The following GGT7 variants were observed in gnomAD, a reference collection of about 807,000 sequenced individuals.
GGT7 encodes the protein glutathione hydrolase 7.
A neutral mutation model predicts 69.2 loss-of-function variants in GGT7; 30 were observed. That is an observed-to-expected ratio of 0.43 (90% CI 0.32 to 0.59). GGT7 has a LOEUF of 0.59. Ranked by LOEUF, GGT7 falls within the 20% of genes least tolerant of loss-of-function variation. GGT7 has a pLI of 0.05. For missense variants in GGT7, 733 were observed against 901.1 expected (o/e 0.81, Z 2.39); for synonymous variants, 388 against 391.8 (o/e 0.99, Z 0.12).
chr20:34,864,725 GAAA>G (rs368541649), intron 1 of GGT7, among the ~76,000 whole-genome samples: 2 of 119,202 alleles, frequency 1.7e-5, no homozygotes, highest in Non-Finnish European at 3.6e-5. Flanking sequence ...TGTCTCAAAA[GAAA>G]AAAAAAAAAA....
rs1471687090 is a variant in GGT7, at chr20:34,854,524, G to C, written c.1319+7C>G. 6.3e-7 allele frequency: 1 copy of C among 1,587,188 alleles called. No homozygotes were observed. The highest frequency in any genetic ancestry group is 8.7e-7 in the Non-Finnish European group (1 of 1,155,764). ...TCTGTAGCCCCCAGGTCCTGCCCAA[G>C]ACCCACCTGAGCATGTCATCCATGC... On this transcript the variant is annotated splice_region_variant and intron_variant, in intron 10 of 14. Coordinates refer to ENST00000336431, the MANE Select transcript of GGT7 (RefSeq NM_178026.3).
chr20:34,857,037 T>C (rs2146904457), intron 7 of GGT7, 144 bp from the exon 8 acceptor site: 2 of 669,038 alleles, frequency 3.0e-6, no homozygotes, highest in Non-Finnish European at 5.5e-6. Flanking sequence ...AGAGACCCCA[T>C]TATCCCTAGA....
chr20:34,854,942 A>G lies in GGT7; in HGVS notation c.1103-19T>C, dbSNP rs1231648127. 6.2e-7 allele frequency: 1 copy of G among 1,612,184 alleles called. No individual in the cohort carries two copies. Among genetic ancestry groups the G allele is most frequent in the South Asian group, 1.1e-5 (1 of 90,858 alleles). ...AGGTGGCCTGAAAGGACAGGAAGTG[A>G]CTGATGGCAGGGTAGGGGTCAAGGC... On this transcript the variant is annotated intron_variant, in intron 8 of 14. Coordinates refer to ENST00000336431, the MANE Select transcript of GGT7 (RefSeq NM_178026.3).
At chr20:34,850,170 C>A in intron 13 of GGT7, 110 bp from the exon 14 acceptor site, 1 of 819,676 alleles carries the variant, frequency 1.2e-6, no homozygotes, top group Non-Finnish European at 2.2e-6. Flanking sequence ...ATTCTTACAC[C>A]GGGTGTCATC....
At chr20:34,856,110 G>T (rs984499163) in intron 8 of GGT7, among the ~76,000 whole-genome samples, 1 of 152,166 alleles carries the variant, frequency 6.6e-6, no homozygotes, top group Non-Finnish European at 1.5e-5. Context: ...TCTTTCCATT[G>T]CTTCATATTC....
At chr20:34,868,135 G>A (rs748455072) in intron 1 of GGT7, among the ~76,000 whole-genome samples, 3 of 152,120 alleles carry the variant, frequency 2.0e-5, no homozygotes, top group Non-Finnish European at 4.4e-5. Flanking sequence ...CAAAGTGTTG[G>A]CATTACAGGC....
rs931846173 is a variant in GGT7, at chr20:34,845,118, C to T, written c.*210G>A. ...GTACTGTAGATGCTGACACTCACCA[C>T]CACCACCACCACCACCACCACCACC... On this transcript the variant is annotated 3_prime_UTR_variant, in exon 15 of 15. Transcript: ENST00000336431. 2.5e-5 allele frequency: 10 copies of T among 406,650 alleles called. No homozygotes were observed. The African/African-American group carries it at 2.5e-4, about 10-fold the overall frequency. 25.2% of individuals were successfully genotyped at this position (406,650 alleles called of 1,614,324 possible).
intron 1 of GGT7, among the ~76,000 whole-genome samples, chr20:34,864,065 T>C (rs2146924538): frequency 6.6e-6 from 1 of 152,256 alleles, no homozygotes; most frequent in Middle Eastern, 3.4e-3. Context: ...ATGTGGTTCA[T>C]AGAGCCCTGG....
In GGT7 at chr20:34,852,479, G is replaced by T; in HGVS notation, c.1379C>A (p.Pro460Gln). Residue 460 changes from proline (P) to glutamine (Q), a missense_variant, in exon 11 of 15, where the codon CCA becomes CAA. Coordinates refer to ENST00000336431, the MANE Select transcript of GGT7 (RefSeq NM_178026.3). ...GTCTAGTTCATAGACAGGCAGGAGT[G>T]GGGCAGGGGCTGCCTGGGAGTCATT... Reference protein sequence around the residue: ...HINDSQAAPAPLLPVYELDGA... With the variant: ...HINDSQAAPAQLLPVYELDGA... 6.2e-7 allele frequency: 1 copy of T among 1,610,430 alleles called. No individual in the cohort carries two copies. Among genetic ancestry groups the T allele is most frequent in the Non-Finnish European group, 8.5e-7 (1 of 1,178,590 alleles).
intron 1 of GGT7, 118 bp downstream of exon 1, chr20:34,872,529 A>C (rs572618196): frequency 1.5e-6 from 1 of 666,152 alleles, no homozygotes; most frequent in African/African-American, 1.9e-5. Flanking sequence ...AAGAAGGGAG[A>C]GATCCAAGAA....
At chr20:34,867,094 CTGTTGT>C (rs969101183) in intron 1 of GGT7, among the ~76,000 whole-genome samples, 8 of 151,846 alleles carry the variant, frequency 5.3e-5, no homozygotes, top group African/African-American at 1.9e-4. Flanking sequence ...GTTGCTGTTG[CTGTTGT>C]TGTTAATAGA....
At chr20:34,868,376 G>A (rs1239675261) in intron 1 of GGT7, among the ~76,000 whole-genome samples, 1 of 152,236 alleles carries the variant, frequency 6.6e-6, no homozygotes, top group African/African-American at 2.4e-5. Flanking sequence ...TGATAGGGAA[G>A]AGCAACAGCA....
At chr20:34,855,791 G>C (rs1191949988) in intron 8 of GGT7, among the ~76,000 whole-genome samples, 6 of 124,396 alleles carry the variant, frequency 4.8e-5, no homozygotes, top group Admixed American at 7.7e-5. Flanking sequence ...TTTCTTTTCT[G>C]TGTGTGTGTG....
In GGT7 at chr20:34,852,541, GAA is replaced by G; in HGVS notation, c.1320-5_1320-4del. On this transcript the variant is annotated splice_region_variant and splice_polypyrimidine_tract_variant and intron_variant, in intron 10 of 14. Coordinates refer to ENST00000336431, the MANE Select transcript of GGT7 (RefSeq NM_178026.3). Reference sequence around the variant, plus strand: ...GGAGGTAGGCGGCCTCCACCTTGCTGAAAAGACAAGGGGTGGGAGATGAGCAA... The same window carrying G: ...GGAGGTAGGCGGCCTCCACCTTGCTGAAGACAAGGGGTGGGAGATGAGCAA... 6.4e-7 allele frequency: 1 copy of G among 1,574,188 alleles called. No individual in the cohort carries two copies. The highest frequency in any genetic ancestry group is 8.6e-7 in the Non-Finnish European group (1 of 1,161,318).
chr20:34,856,841 G>C lies in GGT7; in HGVS notation c.1067C>G (p.Ala356Gly), dbSNP rs1352345377. The change falls in exon 8 of 15, where the codon GCC becomes GGC. Residue 356 changes from alanine (A) to glycine (G), a missense_variant. Physicochemically the swap from Ala to Gly is moderately conservative, Grantham distance 60. Coordinates refer to ENST00000336431, the MANE Select transcript of GGT7 (RefSeq NM_178026.3). ...ITEEDFSNYS[A>G]LVEKPVCGVY... ...GCCACACACAGGCTTCTCCACAAGG[G>C]CGCTGTAATTGCTGAAGTCCTCTTC... The C allele has an allele frequency of 1.2e-6, 2 of 1,612,062 alleles. No individual in the cohort carries two copies. The highest frequency in any genetic ancestry group is 4.5e-5 in the East Asian group (2 of 44,856).
At chr20:34,856,276 G>C (rs1453727125) in intron 8 of GGT7, among the ~76,000 whole-genome samples, 1 of 152,210 alleles carries the variant, frequency 6.6e-6, no homozygotes, top group Non-Finnish European at 1.5e-5. Context: ...CTTGGGTTCA[G>C]TAAACATGGA....
In GGT7 at chr20:34,863,169, C is replaced by G; in HGVS notation, c.405+144G>C. 1 of 780,122 alleles carries G rather than the reference C, an allele frequency of 1.3e-6. No individual in the cohort carries two copies. The highest frequency in any genetic ancestry group is 2.1e-6 in the Non-Finnish European group (1 of 477,746). 48.3% of individuals were successfully genotyped at this position (780,122 alleles called of 1,614,324 possible). A position where few individuals can be genotyped will look rare whatever the true frequency, so the allele number is the denominator to read the frequency against. Reference sequence around the variant, plus strand: ...TCTGTCTCCCTCATGCCCTGGAGCTCCTCTCTTTGGGACCTTCCTCTCCCA... The same window carrying G: ...TCTGTCTCCCTCATGCCCTGGAGCTGCTCTCTTTGGGACCTTCCTCTCCCA... On this transcript the variant is annotated intron_variant, in intron 2 of 14. Coordinates refer to ENST00000336431, the MANE Select transcript of GGT7 (RefSeq NM_178026.3). This position sits in a 1 kb window ranked among gnomAD's most constrained non-coding sequence, Gnocchi z 4.4.
rs745881120 is a variant in GGT7, at chr20:34,863,553, G to A, written c.170-5C>T. 6.4e-7 allele frequency: 1 copy of A among 1,557,496 alleles called. No individual in the cohort carries two copies. The highest frequency in any genetic ancestry group is 1.4e-5 in the African/African-American group (1 of 73,652). Reference sequence around the variant, plus strand: ...ACTTCAGGAAGGAGTCCGGGTCTGCGGGCAGGCAGCCGGGGTCGGTCTGGG... The same window carrying A: ...ACTTCAGGAAGGAGTCCGGGTCTGCAGGCAGGCAGCCGGGGTCGGTCTGGG... On this transcript the variant is annotated splice_region_variant and splice_polypyrimidine_tract_variant and intron_variant, in intron 1 of 14. Coordinates refer to ENST00000336431, the MANE Select transcript of GGT7 (RefSeq NM_178026.3). This position sits in a 1 kb window ranked among gnomAD's most constrained non-coding sequence, Gnocchi z 4.4.
chr20:34,853,579 A>T (rs888761556), intron 10 of GGT7, among the ~76,000 whole-genome samples: 1 of 145,960 alleles, frequency 6.9e-6, no homozygotes, highest in African/African-American at 2.5e-5. Flanking sequence ...AAAAAAAAAA[A>T]TTCAACTGAG....
Sources: allele counts gnomAD v4.1 joint callset (sites outside exome capture counted in the v4.1 genomes callset), GRCh38; gene constraint gnomAD v4.1.1; non-coding constraint Gnocchi (gnomAD v3.1); transcripts MANE v1.5; gene names NCBI Gene and HGNC (gene_info 2026-07-23, HGNC 2026-07-21).